ITIH1: variants seen among roughly 807,000 people sequenced by gnomAD.
ITIH1 encodes the protein inter-alpha-trypsin inhibitor heavy chain H1.
ITIH1 carries 94 observed loss-of-function variants against 104.6 expected under a neutral mutation model. The observed-to-expected ratio is 0.90, with a 90% CI of 0.76 to 1.07. ITIH1 has a LOEUF of 1.07. Ranked by LOEUF, ITIH1 falls within the 50% of genes least tolerant of loss-of-function variation. ITIH1 has a pLI of 0.00. For synonymous variants in ITIH1, 455 were observed against 464.4 expected (o/e 0.98, Z 0.26); for missense variants, 1,193 against 1,181.4 (o/e 1.01, Z -0.14).
In ITIH1 at chr3:52,778,990, T is replaced by C. The variant is rs750922477; in HGVS notation, c.354T>C (p.Thr118=). 3.1e-6 allele frequency: 5 copies of C among 1,614,178 alleles called. No individual in the cohort carries two copies. The South Asian group carries it at 5.5e-5, about 18-fold the overall frequency. The change falls in exon 4 of 22, where the codon ACT becomes ACC. Residue 118 remains threonine (T), a synonymous_variant. Transcript: ENST00000273283. ...TCGGAGACATAAAGGACAAGGTGAC[T>C]GCATGGAAGCAGTACCGGAAAGCAG... The part of the protein sequence containing the change: ...AFIGDIKDKV[T]AWKQYRKAAI...
At position 52,780,343 on chromosome 3, in the gene ITIH1, G is replaced by A; in HGVS notation, c.648G>A (p.Leu216=). 1 of 1,614,082 alleles carries A rather than the reference G, an allele frequency of 6.2e-7. No homozygotes were observed. Among genetic ancestry groups the A allele is most frequent in the Non-Finnish European group, 8.5e-7 (1 of 1,179,964 alleles). The change falls in exon 6 of 22, where the codon CTG becomes CTA. Residue 216 remains leucine, a synonymous_variant. Coordinates refer to ENST00000273283, the MANE Select transcript of ITIH1 (RefSeq NM_002215.4). ...DAQASFLPKE[L]AAQTIKKSFS... is the part of the protein sequence containing the mutation. ...AGGCCTCTTTCCTGCCGAAGGAACT[G>A]GCAGCCCAAACTATCAAGAAGTCCT...
At chr3:52,784,504 C>T (rs369587264) in intron 11 of ITIH1, 27 bp downstream of exon 11, 1 of 1,606,928 alleles carries the variant, frequency 6.2e-7, no homozygotes, top group Non-Finnish European at 8.5e-7. Context: ...CCCTGTACCT[C>T]CAATGGCATG....
intron 6 of ITIH1, among the ~76,000 whole-genome samples, chr3:52,781,383 T>C (rs2154108291): frequency 6.6e-6 from 1 of 151,974 alleles, no homozygotes; most frequent in African/African-American, 2.4e-5. Flanking sequence ...TTCTTCCTTT[T>C]GCTTCTGCTT....
chr3:52,777,920 C>G, intron 1 of ITIH1, 77 bp from the exon 2 acceptor site: 1 of 1,567,100 alleles, frequency 6.4e-7, no homozygotes, highest in African/African-American at 1.4e-5. Context: ...GGCTGTGTTC[C>G]ACTCCCATCC....
chr3:52,791,068 G>A (rs1235971283), intron 20 of ITIH1, 147 bp downstream of exon 20: 2 of 765,512 alleles, frequency 2.6e-6, no homozygotes, highest in African/African-American at 3.6e-5. Flanking sequence ...GCCGTCTGAG[G>A]GGCTGTGTTG....
At chr3:52,783,370 A>G (rs1335447156) in intron 10 of ITIH1, 31 bp downstream of exon 10, 1 of 1,608,288 alleles carries the variant, frequency 6.2e-7, no homozygotes, top group African/African-American at 1.3e-5. Flanking sequence ...CTTGGGAGGT[A>G]GTGATCTCCT....
chr3:52,782,880 G>C (rs1334969834), intron 8 of ITIH1, 77 bp from the exon 9 acceptor site: 5 of 1,389,752 alleles, frequency 3.6e-6, no homozygotes, highest in Non-Finnish European at 5.0e-6. Flanking sequence ...CTCTGAAATG[G>C]GTATTTGGAG....
intron 12 of ITIH1, 41 bp from the exon 13 acceptor site, chr3:52,786,254 T>C (rs978507542): frequency 2.6e-6 from 4 of 1,550,664 alleles, no homozygotes; most frequent in Middle Eastern, 1.8e-4. Context: ...GGGGCCGTGC[T>C]TATCATGGTG....
At chr3:52,781,288 T>G (rs1475859810) in intron 6 of ITIH1, among the ~76,000 whole-genome samples, 2 of 68,778 alleles carry the variant, frequency 2.9e-5, no homozygotes, top group African/African-American at 3.9e-5. Flanking sequence ...TTCTTCTTCC[T>G]CTTCTTCTTC....
Position 52,789,832 on chromosome 3 carries a change from CA to C in ITIH1, c.2301del (p.Ala768LeufsTer10). On this transcript the variant is annotated frameshift_variant, in exon 19 of 22. Transcript: ENST00000273283. LOFTEE classifies it high-confidence loss of function. ...TGGGCCTGTGTTTTCCTGGAGGGAC[CA>C]AGCTGTGCTGCGGCAGGACGGGTAA... ...FGGPVFSWRDQAVLRQDGVVV... is the reference protein window; with the variant it reads ...FGGPVFSWRDXAVLRQDGVVV... 4 of 1,614,212 alleles carry C rather than the reference CA, an allele frequency of 2.5e-6. No individual in the cohort carries two copies. Among genetic ancestry groups the C allele is most frequent in the Non-Finnish European group, 3.4e-6 (4 of 1,180,038 alleles).
At chr3:52,782,332 C>G in intron 8 of ITIH1, 65 bp downstream of exon 8, 1 of 1,264,192 alleles carries the variant, frequency 7.9e-7, no homozygotes, top group Non-Finnish European at 1.2e-6. Context: ...TCACCACATG[C>G]CAGTTTTGCT....
rs890991356 is a variant in ITIH1 at position 52,792,018 on chromosome 3, G to A, written c.*107G>A. The A allele has an allele frequency of 3.9e-5, 50 of 1,283,852 alleles. No homozygotes were observed. The highest frequency in any genetic ancestry group is 5.0e-5 in the Non-Finnish European group (47 of 931,306). 79.5% of individuals were successfully genotyped at this position (1,283,852 alleles called of 1,614,324 possible). On this transcript the variant is annotated 3_prime_UTR_variant, in exon 22 of 22. Coordinates refer to ENST00000273283, the MANE Select transcript of ITIH1 (RefSeq NM_002215.4). ...ACCTCCTTGACTAAGCTGGTTCCTT[G>A]TGTCAAAGCACCTCATGCCTTCCAT...
At chr3:52,784,525 C>A (rs201796608) in intron 11 of ITIH1, 48 bp downstream of exon 11, 53 of 1,573,802 alleles carry the variant, frequency 3.4e-5, no homozygotes, top group Admixed American at 1.0e-4. Context: ...CCATAGGGAG[C>A]CCTGCCTTGG....
chr3:52,788,081 G>A lies in ITIH1; in HGVS notation c.2005+15G>A. On this transcript the variant is annotated intron_variant, in intron 17 of 21. Transcript: ENST00000273283. ...AGTGACCGGCGGTGAGTCCTTGGAA[G>A]GGTCTGAGGGACACCCCTGTTTGGG... The A allele has an allele frequency of 6.3e-7, 1 of 1,584,512 alleles. No individual in the cohort carries two copies. The highest frequency in any genetic ancestry group is 8.6e-7 in the Non-Finnish European group (1 of 1,162,950).
chr3:52,779,111 G>T lies in ITIH1; in HGVS notation c.410+65G>T, dbSNP rs2154108141. 3 of 1,170,420 alleles carry T rather than the reference G, an allele frequency of 2.6e-6. No individual in the cohort carries two copies. In the South Asian group the frequency reaches 3.7e-5, roughly 14 times the overall value. The allele number at this position is 1,170,420 out of a possible 1,614,324, so 72.5% of individuals were successfully genotyped here. On this transcript the variant is annotated intron_variant, in intron 4 of 21. Transcript: ENST00000273283. The surrounding 1 kb of genome is among the most constrained non-coding windows in gnomAD (Gnocchi z 4.4). ...CTCCCCAGCCAGGACAGGTCTGATG[G>T]CTGCAAGGTGGCTTTAGTGGAGAAC...
At position 52,789,698 on chromosome 3, in the gene ITIH1, C is replaced by T. The variant is rs1699298820; in HGVS notation, c.2165C>T (p.Pro722Leu). Residue 722 changes from proline to leucine, a missense_variant, in exon 19 of 22, where the codon CCT (proline) becomes CTT (leucine). By Grantham distance (98) the Pro-to-Leu change is moderately conservative. Transcript: ENST00000273283. ...GQLIGNKARS[P>L]GQHDGTYFGR... ...CTCATTGGCAACAAGGCCAGGAGCC[C>T]TGGGCAGCATGACGGCACGTACTTC... The T allele has an allele frequency of 1.9e-6, 3 of 1,614,104 alleles. No homozygotes were observed. The Admixed American group carries it at 5.0e-5, about 27-fold the overall frequency.
In ITIH1 at chr3:52,789,640, T is replaced by G. The variant is rs1386826296; in HGVS notation, c.2120-13T>G. 1 of 1,613,580 alleles carries G rather than the reference T, an allele frequency of 6.2e-7. No homozygotes were observed. The highest frequency in any genetic ancestry group is 8.5e-7 in the Non-Finnish European group (1 of 1,179,596). On this transcript the variant is annotated splice_polypyrimidine_tract_variant and intron_variant, in intron 18 of 21. Coordinates refer to ENST00000273283, the MANE Select transcript of ITIH1 (RefSeq NM_002215.4). ...CCCCTTCCCAACCCGGATGCCCTCT[T>G]GCTCCATTGCAGGCTTCTCAGTGAA...
At chr3:52,782,902 T>C in intron 8 of ITIH1, 55 bp from the exon 9 acceptor site, 1 of 1,567,222 alleles carries the variant, frequency 6.4e-7, no homozygotes, top group Non-Finnish European at 8.7e-7. Flanking sequence ...TGGAAGGTGC[T>C]GTCCTGGGGC....
rs147342775 is a variant in ITIH1 at position 52,779,934 on chromosome 3, C to T, written c.574-335C>T. 3.6e-5 allele frequency: 49 copies of T among 1,377,962 alleles called. 1 individual carries two copies. In the East Asian group the frequency reaches 1.4e-3, roughly 39 times the overall value. 85.4% of individuals were successfully genotyped at this position (1,377,962 alleles called of 1,614,324 possible). On this transcript the variant is annotated intron_variant, in intron 5 of 21. Transcript: ENST00000273283. The surrounding 1 kb of genome is among the most constrained non-coding windows in gnomAD (Gnocchi z 4.4). ...CCTGAGGGCCTGGAATTATTGCTGG[C>T]ACCTAAGTGGTGGCTGAGTTGAGGG... is the stretch of plus-strand genomic sequence containing the variant.
Sources: allele counts gnomAD v4.1 joint callset (sites outside exome capture counted in the v4.1 genomes callset), GRCh38; gene constraint gnomAD v4.1.1; non-coding constraint Gnocchi (gnomAD v3.1); transcripts MANE v1.5; gene names NCBI Gene and HGNC (gene_info 2026-07-23, HGNC 2026-07-21).